The following TBC1D30 variants were observed in gnomAD, a reference collection of about 807,000 sequenced individuals.
The protein encoded by TBC1D30 is TBC1 domain family member 30.
In TBC1D30, 31 loss-of-function variants were observed where a neutral mutation model predicts 63.2. The observed-to-expected ratio is 0.49, with a 90% CI of 0.37 to 0.66. TBC1D30 has a LOEUF of 0.66. Among genes scored for constraint, TBC1D30 ranks in the 30% least tolerant of loss-of-function variants. The pLI is 0.00. For synonymous variants in TBC1D30, 307 were observed against 361.5 expected (o/e 0.85, Z 1.71); for missense variants, 810 against 953.6 (o/e 0.85, Z 1.98).
chr12:64,823,736 C>T (rs1874037603), upstream of TBC1D30, among the ~76,000 whole-genome samples: 1 of 152,260 alleles, frequency 6.6e-6, no homozygotes, highest in African/African-American at 2.4e-5. Context: ...GCAATTTTCC[C>T]ACCTCAGCCT....
chr12:64,869,847 G>A (rs909442439), intron 10 of TBC1D30, among the ~76,000 whole-genome samples: 11 of 152,160 alleles, frequency 7.2e-5, no homozygotes, highest in African/African-American at 2.7e-4. Flanking sequence ...GATAGTTGGA[G>A]TCTCTCAGTC....
At chr12:64,763,528 G>T (rs1017907429) in intron 1 of TBC1D30, among the ~76,000 whole-genome samples, 5 of 150,266 alleles carry the variant, frequency 3.3e-5, no homozygotes, top group Non-Finnish European at 7.4e-5. Context: ...ACTTTTTTTG[G>T]TTACTCTTTA....
rs1170945211 is a variant in TBC1D30, at chr12:64,832,279, A to G, written c.569A>G (p.Glu190Gly). ...ILAALILEVM[E>G]GNEGDALKIM... ...GCTGCACTAATTCTGGAAGTGATGG[A>G]AGGCAATGAAGGGGATGCCCTGAAA... Residue 190 changes from glutamate (E) to glycine (G), a missense_variant, in exon 5 of 12, where the codon GAA becomes GGA. Coordinates refer to ENST00000539867, the MANE Select transcript of TBC1D30 (RefSeq NM_015279.2). 4.6e-6 allele frequency: 7 copies of G among 1,535,960 alleles called. No individual in the cohort carries two copies. The highest frequency in any genetic ancestry group is 8.7e-7 in the Non-Finnish European group (1 of 1,146,888).
chr12:64,827,866 G>A lies in TBC1D30; in HGVS notation c.186G>A (p.Glu62=), dbSNP rs1235056555. The A allele has an allele frequency of 1.3e-6, 2 of 1,534,668 alleles. No individual in the cohort carries two copies. The highest frequency in any genetic ancestry group is 1.2e-5 in the South Asian group (1 of 83,654). Residue 62 remains glutamate, a synonymous_variant, in exon 2 of 12, where the codon GAG becomes GAA. Transcript: ENST00000539867. ...GVDTKLKFTL[E]PSLGQNGFQQ... Reference sequence around the variant, plus strand: ...ATACCAAGTTGAAATTCACTCTTGAGCCATCTTTAGGTCAAAATGGTTTTC... The same window carrying A: ...ATACCAAGTTGAAATTCACTCTTGAACCATCTTTAGGTCAAAATGGTTTTC...
chr12:64,814,628 C>A (rs926079712), intron 2 of TBC1D30, among the ~76,000 whole-genome samples: 1 of 152,170 alleles, frequency 6.6e-6, no homozygotes, highest in African/African-American at 2.4e-5. Flanking sequence ...CTGGGCCATA[C>A]TGATGCACTG....
chr12:64,832,016 A>T, intron 4 of TBC1D30, 103 bp from the exon 5 acceptor site: 1 of 1,156,872 alleles, frequency 8.6e-7, no homozygotes, highest in Non-Finnish European at 1.1e-6. Context: ...AAAAAATTTT[A>T]TGTCGATGAT....
At chr12:64,777,833 C>G (rs1871128243), upstream of TBC1D30, among the ~76,000 whole-genome samples, 1 of 152,246 alleles carries the variant, frequency 6.6e-6, no homozygotes, top group Non-Finnish European at 1.5e-5. Flanking sequence ...AATCTCAGCT[C>G]CCTGCAACCT....
At chr12:64,864,586 A>G (rs1238529732) in intron 8 of TBC1D30, 82 bp from the exon 9 acceptor site, 2 of 985,422 alleles carry the variant, frequency 2.0e-6, no homozygotes, top group Non-Finnish European at 3.1e-6. Flanking sequence ...TCGACTTCAT[A>G]AAACTTTAAT....
chr12:64,860,023 T>C (rs1032991632), intron 8 of TBC1D30, among the ~76,000 whole-genome samples: 2 of 151,834 alleles, frequency 1.3e-5, no homozygotes, highest in African/African-American at 2.4e-5. Flanking sequence ...TCTTCTTTTT[T>C]TTTTTTTTTT....
intron 11 of TBC1D30, among the ~76,000 whole-genome samples, 152 bp downstream of exon 11, chr12:64,870,960 T>C (rs541234592): frequency 1.3e-5 from 2 of 152,304 alleles, no homozygotes; most frequent in South Asian, 2.1e-4. Flanking sequence ...TAGCATCTCA[T>C]TTTAAATTTT....
At chr12:64,773,029 C>G (rs1053535628) in intron 1 of TBC1D30, among the ~76,000 whole-genome samples, 1 of 152,230 alleles carries the variant, frequency 6.6e-6, no homozygotes, top group Non-Finnish European at 1.5e-5. Flanking sequence ...TACTCACTGT[C>G]TACTGTGTAT....
At chr12:64,832,945 C>T (rs1875001893) in intron 5 of TBC1D30, among the ~76,000 whole-genome samples, 1 of 152,164 alleles carries the variant, frequency 6.6e-6, no homozygotes, top group Admixed American at 6.5e-5. Flanking sequence ...GTTTAAGTTA[C>T]AGATTTGTAG....
At chr12:64,827,322 G>A (rs1874445800) in intron 1 of TBC1D30, among the ~76,000 whole-genome samples, 1 of 152,142 alleles carries the variant, frequency 6.6e-6, no homozygotes, top group Admixed American at 6.5e-5. Flanking sequence ...GGTAGCACGT[G>A]CCTATAATCC....
intron 5 of TBC1D30, among the ~76,000 whole-genome samples, chr12:64,833,444 A>G (rs1027153349): frequency 3.3e-5 from 5 of 152,196 alleles, no homozygotes; most frequent in African/African-American, 1.2e-4. Context: ...ACTAATTCAT[A>G]TTTGAACCTT....
chr12:64,769,632 C>T (rs192578459), intron 1 of TBC1D30, among the ~76,000 whole-genome samples: 22 of 151,388 alleles, frequency 1.5e-4, no homozygotes, highest in African/African-American at 3.4e-4. Flanking sequence ...GTGATCTGCC[C>T]GCCTTGGCCT....
rs759428589 is a variant in TBC1D30, at chr12:64,825,078, G to A, written c.154+45G>A. The A allele has an allele frequency of 8.0e-6, 12 of 1,505,372 alleles. No homozygotes were observed. The South Asian group carries it at 1.2e-4, about 15-fold the overall frequency. The allele number at this position is 1,505,372 out of a possible 1,614,324, so 93.3% of individuals were successfully genotyped here. On this transcript the variant is annotated intron_variant, in intron 1 of 11. Coordinates refer to ENST00000539867, the MANE Select transcript of TBC1D30 (RefSeq NM_015279.2). ...AGATGGGGCGCTGTAAAGTAGCGCC[G>A]GGGCTGCCCGCGCTTCTGCCTTAGC...
At chr12:64,797,859 C>T (rs947753538) in intron 2 of TBC1D30, among the ~76,000 whole-genome samples, 13 of 152,168 alleles carry the variant, frequency 8.5e-5, no homozygotes, top group African/African-American at 3.1e-4. Context: ...AGGAATCATC[C>T]TTCTTCTTGT....
intron 1 of TBC1D30, 123 bp from the exon 2 acceptor site, chr12:64,827,712 A>T: frequency 1.5e-6 from 1 of 678,354 alleles, no homozygotes; most frequent in Non-Finnish European, 2.4e-6. Context: ...ACTAAAATTT[A>T]GTAAAGATAC....
At chr12:64,812,482 C>T (rs77847456) in intron 2 of TBC1D30, among the ~76,000 whole-genome samples, 45 of 152,190 alleles carry the variant, frequency 3.0e-4, no homozygotes, top group African/African-American at 1.0e-3. Context: ...TCTCTTCCCA[C>T]GATATATTTG....
Sources: allele counts gnomAD v4.1 joint callset (sites outside exome capture counted in the v4.1 genomes callset), GRCh38; gene constraint gnomAD v4.1.1; transcripts MANE v1.5; gene names NCBI Gene and HGNC (gene_info 2026-07-23, HGNC 2026-07-21).